The following ITGB1BP1 variants were observed in gnomAD, a reference collection of about 807,000 sequenced individuals.
ITGB1BP1 encodes the protein integrin beta-1-binding protein 1.
A neutral mutation model predicts 28.0 loss-of-function variants in ITGB1BP1; 20 were observed. The ratio of observed to expected loss-of-function variants is 0.71; its 90% CI spans 0.50 to 1.04. The LOEUF (loss-of-function observed/expected upper bound fraction) is 1.04, where lower values mean the gene tolerates loss of function less well. Among genes scored for constraint, ITGB1BP1 ranks in the 50% least tolerant of loss-of-function variants. The probability of loss-of-function intolerance (pLI) is 0.00; values close to 1 mark genes in which losing one functional copy is unlikely to be tolerated. For missense variants in ITGB1BP1, 228 were observed against 242.5 expected (o/e 0.94, Z 0.40); for synonymous variants, 103 against 89.5 (o/e 1.15, Z -0.85).
rs1350660869 is a variant in ITGB1BP1 at position 9,406,112 on chromosome 2, ATCTCGTCTT to A, written c.*713_*721del. 2 of 75,424 alleles carry A rather than the reference ATCTCGTCTT, an allele frequency of 2.7e-5. No individual in the cohort carries two copies. Among genetic ancestry groups the A allele is most frequent in the African/African-American group, 5.7e-5 (1 of 17,690 alleles). The allele number at this position is 75,424 out of a possible 1,614,324, so 4.7% of individuals were successfully genotyped here. ...TTGTCACTGAGTGGACCTCTGTGACATCTCGTCTTCCTCAGGCCTTCAGTGTGTGTTTGT... is the reference window on the plus strand; with the variant it reads ...TTGTCACTGAGTGGACCTCTGTGACACCTCAGGCCTTCAGTGTGTGTTTGT... On this transcript the variant is annotated 3_prime_UTR_variant, in exon 7 of 7. Transcript: ENST00000355346.
intron 1 of ITGB1BP1, 41 bp downstream of exon 1, chr2:9,423,332 C>T (rs1680141327): frequency 1.6e-6 from 2 of 1,218,846 alleles, no homozygotes; most frequent in Admixed American, 3.0e-5. Context: ...GTCAGGCCTC[C>T]GCGAGCTCGG....
Position 9,414,312 on chromosome 2 carries a change from A to G in ITGB1BP1, c.73-56T>C, listed in dbSNP as rs140294903. On this transcript the variant is annotated intron_variant, in intron 2 of 6. Transcript: ENST00000355346. ...CCACTGAAGCAGCCCTGTCTTCTCT[A>G]AAGTCCTCTAACCCATTCACATCAT... is the stretch of plus-strand genomic sequence containing the variant. 2,559 of 1,308,324 alleles carry G rather than the reference A, an allele frequency of 2.0e-3. 6 individuals carry two copies. Among genetic ancestry groups the G allele is most frequent in the Non-Finnish European group, 2.6e-3 (2,321 of 903,540 alleles). 81.0% of individuals were successfully genotyped at this position (1,308,324 alleles called of 1,614,324 possible).
At chr2:9,412,498 T>A (rs1678571936) in intron 3 of ITGB1BP1, 93 bp from the exon 4 acceptor site, 1 of 1,044,838 alleles carries the variant, frequency 9.6e-7, no homozygotes, top group Non-Finnish European at 1.4e-6. Context: ...CAGACTGTCA[T>A]TAGAACATAA....
intron 4 of ITGB1BP1, 91 bp downstream of exon 4, chr2:9,412,163 CGGAGCGGCACCCAGT>C: frequency 1.1e-6 from 1 of 924,102 alleles, no homozygotes; most frequent in Non-Finnish European, 1.7e-6. Context: ...CGAGAGCAAG[CGGAGCGGCACCCAGT>C]GGACCCGAGG....
chr2:9,422,917 A>T (rs940150056), intron 1 of ITGB1BP1: 2 of 986,054 alleles, frequency 2.0e-6, no homozygotes, highest in African/African-American at 1.7e-5. Flanking sequence ...CTCGGGGCCT[A>T]GGGAGAGCCG....
chr2:9,405,434 CTG>C lies in ITGB1BP1; in HGVS notation c.*1398_*1399del, dbSNP rs150711314. 162 of 152,694 alleles carry C rather than the reference CTG, an allele frequency of 1.1e-3. 3 individuals carry two copies. The highest frequency in any genetic ancestry group is 3.8e-3 in the African/African-American group (159 of 41,538). 9.5% of individuals were successfully genotyped at this position (152,694 alleles called of 1,614,324 possible). On this transcript the variant is annotated 3_prime_UTR_variant, in exon 7 of 7. Coordinates refer to ENST00000355346, the MANE Select transcript of ITGB1BP1 (RefSeq NM_004763.5). The stretch of plus-strand genomic sequence containing the variant: ...GAACATGTACACAGACTAAGAGTAA[CTG>C]TGTGATCTGTTAAGGGGTGGATAAC...
At chr2:9,423,185 C>G in intron 1 of ITGB1BP1, 188 bp downstream of exon 1, 1 of 1,059,530 alleles carries the variant, frequency 9.4e-7, no homozygotes, top group East Asian at 1.1e-4. Flanking sequence ...CTGCGTGGTT[C>G]CAAGCTCCTC....
intron 2 of ITGB1BP1, among the ~76,000 whole-genome samples, chr2:9,417,256 C>A (rs2148903286): frequency 6.6e-6 from 1 of 152,204 alleles, no homozygotes; most frequent in African/African-American, 2.4e-5. Context: ...CCCAAACACA[C>A]AGGCTCACTC....
At position 9,409,386 on chromosome 2, in the gene ITGB1BP1, C is replaced by T. The variant is rs555708954; in HGVS notation, c.289-1181G>A. The stretch of plus-strand genomic sequence containing the variant: ...AGTGGGTTTAAAGCAATTCCAAGAA[C>T]CACGGTATGGGATAATAGTCAAGCT... On this transcript the variant is annotated intron_variant, in intron 4 of 6. Transcript: ENST00000355346. Among the ~76,000 whole-genome samples the T allele has an allele frequency of 2.6e-5, 4 of 152,272 alleles. No homozygotes were observed. The South Asian group carries it at 8.3e-4, about 32-fold the overall frequency.
rs1000544851 is a variant in ITGB1BP1 at position 9,405,233 on chromosome 2, G to A, written c.*1601C>T. Reference sequence around the variant, plus strand: ...TTACCAGAGGAGAAATTATATTAACGACCCTGCTAATATCCTTTCTTAGTT... The same window carrying A: ...TTACCAGAGGAGAAATTATATTAACAACCCTGCTAATATCCTTTCTTAGTT... On this transcript the variant is annotated 3_prime_UTR_variant, in exon 7 of 7. Transcript: ENST00000355346. 3.3e-5 allele frequency: 5 copies of A among 152,150 alleles called. No homozygotes were observed. The highest frequency in any genetic ancestry group is 2.0e-4 in the Admixed American group (3 of 15,264). 9.4% of individuals were successfully genotyped at this position (152,150 alleles called of 1,614,324 possible). A position where few individuals can be genotyped will look rare whatever the true frequency, so the allele number is the denominator to read the frequency against.
chr2:9,412,342 T>C lies in ITGB1BP1; in HGVS notation c.215A>G (p.Glu72Gly), dbSNP rs1259582844. 6.2e-7 allele frequency: 1 copy of C among 1,612,276 alleles called. No individual in the cohort carries two copies. The highest frequency in any genetic ancestry group is 8.5e-7 in the Non-Finnish European group (1 of 1,178,680). The change falls in exon 4 of 7, where the codon GAG (glutamate) becomes GGG (glycine). Residue 72 changes from glutamate (E) to glycine (G), a missense_variant. Glu to Gly is a moderately conservative substitution (Grantham distance 98). Transcript: ENST00000355346. ...TTTTCCCTCGGAGAGTTTCAGTTTCTCAATGGCACCAACATATTTTATTCG... is the reference window on the plus strand; with the variant it reads ...TTTTCCCTCGGAGAGTTTCAGTTTCCCAATGGCACCAACATATTTTATTCG... ...EFRIKYVGAI[E>G]KLKLSEGKGL...
At chr2:9,419,646 C>T (rs577829179) in intron 1 of ITGB1BP1, among the ~76,000 whole-genome samples, 11 of 152,206 alleles carry the variant, frequency 7.2e-5, no homozygotes, top group African/African-American at 2.4e-4. Context: ...TCATCCTTGC[C>T]AGTTGCATAA....
rs1246750060 is a variant in ITGB1BP1 at position 9,407,631 on chromosome 2, G to C, written c.382-33C>G. The C allele has an allele frequency of 5.6e-6, 9 of 1,612,348 alleles. No individual in the cohort carries two copies. The Middle Eastern group carries it at 4.9e-4, about 89-fold the overall frequency. ...AGTCAGGAAAGATTCCGAGAGATCA[G>C]GACTCTCAAATGTTTGTCAGTCCTG... On this transcript the variant is annotated intron_variant, in intron 5 of 6. Transcript: ENST00000355346.
intron 3 of ITGB1BP1, among the ~76,000 whole-genome samples, 196 bp downstream of exon 3, chr2:9,413,982 T>C (rs558003402): frequency 2.0e-5 from 3 of 152,326 alleles, no homozygotes; most frequent in South Asian, 4.1e-4. Flanking sequence ...CCAAAGGCTA[T>C]GTGGTTTCCC....
chr2:9,414,177 CCTGAG>C lies in ITGB1BP1; in HGVS notation c.147_151del (p.Ser49ArgfsTer6). The C allele has an allele frequency of 6.2e-7, 1 of 1,612,974 alleles. No individual in the cohort carries two copies. Among genetic ancestry groups the C allele is most frequent in the South Asian group, 1.1e-5 (1 of 91,048 alleles). ...ATCAATGATCCAACCCTTTTATGTA[CCTGAG>C]CTTTTGGTGGAATCTGTGTCGAGGC... is the stretch of plus-strand genomic sequence containing the variant. On this transcript the variant is annotated frameshift_variant and splice_region_variant, in exon 3 of 7. Transcript: ENST00000355346. LOFTEE classifies it high-confidence loss of function.
chr2:9,420,754 A>T (rs1679731569), intron 1 of ITGB1BP1, among the ~76,000 whole-genome samples: 1 of 152,234 alleles, frequency 6.6e-6, no homozygotes, highest in Non-Finnish European at 1.5e-5. Flanking sequence ...GAATACTCTG[A>T]AGGCTTTTTA....
rs141790245 is a variant in ITGB1BP1 at position 9,410,940 on chromosome 2, G to A, written c.288+1329C>T. On this transcript the variant is annotated intron_variant, in intron 4 of 6. Transcript: ENST00000355346. ...AGAGTACACATTCTTAACACTCTCT[G>A]AAGTTAAGGAATCTTGGTATTGCAG... 2.8e-4 allele frequency among the ~76,000 whole-genome samples: 42 copies of A among 152,256 alleles called. No individual in the cohort carries two copies. The East Asian group carries it at 6.9e-3, about 25-fold the overall frequency.
chr2:9,422,971 T>C (rs1680081045), intron 1 of ITGB1BP1: 1 of 986,668 alleles, frequency 1.0e-6, no homozygotes, highest in South Asian at 4.6e-5. Context: ...GGCACCTGTC[T>C]GTCACCGTGA....
chr2:9,419,414 C>G (rs1160344869), intron 1 of ITGB1BP1, among the ~76,000 whole-genome samples: 2 of 152,196 alleles, frequency 1.3e-5, no homozygotes, highest in African/African-American at 4.8e-5. Context: ...ACATTCTATA[C>G]TTGGTAGGGC....
Sources: allele counts gnomAD v4.1 joint callset (sites outside exome capture counted in the v4.1 genomes callset), GRCh38; gene constraint gnomAD v4.1.1; transcripts MANE v1.5; gene names NCBI Gene and HGNC (gene_info 2026-07-23, HGNC 2026-07-21).